TCEANC2: variants seen among roughly 807,000 people sequenced by gnomAD.
The protein encoded by TCEANC2 is transcription elongation factor A N-terminal and central domain-containing protein 2.
Under a neutral mutation model 22.8 loss-of-function variants are expected in TCEANC2, and 20 were observed. The ratio of observed to expected loss-of-function variants is 0.88; its 90% CI spans 0.62 to 1.28. TCEANC2 has a LOEUF of 1.28. Ranked by LOEUF, TCEANC2 falls within the 50% of genes most tolerant of loss-of-function variation. The pLI, the probability that TCEANC2 is intolerant of heterozygous loss-of-function variation, is 0.00. For missense variants in TCEANC2, 251 were observed against 249.7 expected (o/e 1.01, Z -0.03); for synonymous variants, 84 against 95.5 (o/e 0.88, Z 0.70).
At chr1:54,091,869 T>C (rs980411219) in intron 4 of TCEANC2, among the ~76,000 whole-genome samples, 4 of 152,186 alleles carry the variant, frequency 2.6e-5, no homozygotes, top group Non-Finnish European at 5.9e-5. Context: ...CATTTTCCTA[T>C]TATGTCATTT....
intron 2 of TCEANC2, among the ~76,000 whole-genome samples, chr1:54,057,347 ATTTTT>A (rs1163556776): frequency 1.2e-5 from 1 of 85,930 alleles, no homozygotes; most frequent in Non-Finnish European, 2.1e-5. Flanking sequence ...CACCTGGCTA[ATTTTT>A]TTTTTTTTTT....
chr1:54,088,875 G>C (rs1406068726), intron 4 of TCEANC2, 85 bp downstream of exon 4: 2 of 978,614 alleles, frequency 2.0e-6, no homozygotes, highest in Admixed American at 6.7e-5. Flanking sequence ...GTCCTGGTCG[G>C]ATGTGATTAG....
At chr1:54,066,343 T>C (rs1323869144) in intron 2 of TCEANC2, among the ~76,000 whole-genome samples, 2 of 151,940 alleles carry the variant, frequency 1.3e-5, no homozygotes, top group East Asian at 3.8e-4. Flanking sequence ...GAAAATATGT[T>C]CAAATATATC....
intron 4 of TCEANC2, among the ~76,000 whole-genome samples, chr1:54,090,628 T>A (rs1461461680): frequency 2.0e-5 from 3 of 152,170 alleles, no homozygotes; most frequent in African/African-American, 4.8e-5. Flanking sequence ...ATGCTGGAGG[T>A]TCACTTAACT....
downstream of TCEANC2, among the ~76,000 whole-genome samples, chr1:54,109,860 G>C (rs1033648708): frequency 2.0e-5 from 3 of 152,192 alleles, no homozygotes; most frequent in Admixed American, 6.5e-5. Flanking sequence ...ACTAAGGGTT[G>C]GATTACTTCA....
intron 3 of TCEANC2, among the ~76,000 whole-genome samples, chr1:54,082,969 T>G (rs968960367): frequency 3.3e-5 from 5 of 151,694 alleles, no homozygotes; most frequent in African/African-American, 9.7e-5. Context: ...TGTGGAGAAG[T>G]GATGAGAACC....
rs900888708 is a variant in TCEANC2 at position 54,102,575 on chromosome 1, G to A, written c.*6102G>A. 2 of 152,272 alleles carry A rather than the reference G, an allele frequency of 1.3e-5. No individual in the cohort carries two copies. Among genetic ancestry groups the A allele is most frequent in the African/African-American group, 4.8e-5 (2 of 41,452 alleles). 9.4% of individuals were successfully genotyped at this position (152,272 alleles called of 1,614,324 possible). A position where few individuals can be genotyped will look rare whatever the true frequency, so the allele number is the denominator to read the frequency against. On this transcript the variant is annotated 3_prime_UTR_variant, in exon 5 of 5. Transcript: ENST00000234827. ...TCCTAAGATAGAAATAATACAACTGGGGTTGGGCATAGCAGGGCCAGAGGG... is the reference window on the plus strand; with the variant it reads ...TCCTAAGATAGAAATAATACAACTGAGGTTGGGCATAGCAGGGCCAGAGGG...
downstream of TCEANC2, among the ~76,000 whole-genome samples, chr1:54,107,849 C>T (rs891233368): frequency 1.3e-5 from 2 of 152,198 alleles, no homozygotes; most frequent in African/African-American, 4.8e-5. Flanking sequence ...TGCTATTCAA[C>T]CATAGACATG....
At chr1:54,075,102 A>G (rs898060783) in intron 3 of TCEANC2, among the ~76,000 whole-genome samples, 39 of 152,242 alleles carry the variant, frequency 2.6e-4, no homozygotes, top group African/African-American at 8.7e-4. Flanking sequence ...TATAGAATCT[A>G]TATTCATTCA....
At chr1:54,070,447 AT>A (rs1257418459) in intron 3 of TCEANC2, among the ~76,000 whole-genome samples, 3 of 152,324 alleles carry the variant, frequency 2.0e-5, no homozygotes, top group South Asian at 4.1e-4. Context: ...AATTAAAAAA[AT>A]AATTTCTATT....
chr1:54,096,147 T>C lies in TCEANC2; in HGVS notation c.439-138T>C. 7.3e-7 allele frequency: 1 copy of C among 1,362,620 alleles called. No homozygotes were observed. 84.4% of individuals were successfully genotyped at this position (1,362,620 alleles called of 1,614,324 possible). A position where few individuals can be genotyped will look rare whatever the true frequency, so the allele number is the denominator to read the frequency against. Reference sequence around the variant, plus strand: ...GGGTGGAATTAATTTGCTCTTCCTGTTTCTCTTGTGACAGGAAGTAGATGT... The same window carrying C: ...GGGTGGAATTAATTTGCTCTTCCTGCTTCTCTTGTGACAGGAAGTAGATGT... On this transcript the variant is annotated intron_variant, in intron 4 of 4. Coordinates refer to ENST00000234827, the MANE Select transcript of TCEANC2 (RefSeq NM_153035.3). This position sits in a 1 kb window ranked among gnomAD's most constrained non-coding sequence, Gnocchi z 4.9.
chr1:54,099,080 T>G lies in TCEANC2; in HGVS notation c.*2607T>G, dbSNP rs548061475. ...CTGATTTGAAGCAGGAACTGGTCACTTTTGTGTTAATAGGCTATGTGGAAG... is the reference window on the plus strand; with the variant it reads ...CTGATTTGAAGCAGGAACTGGTCACGTTTGTGTTAATAGGCTATGTGGAAG... On this transcript the variant is annotated 3_prime_UTR_variant, in exon 5 of 5. Coordinates refer to ENST00000234827, the MANE Select transcript of TCEANC2 (RefSeq NM_153035.3). 6.6e-6 allele frequency: 1 copy of G among 152,366 alleles called. No homozygotes were observed. Among genetic ancestry groups the G allele is most frequent in the South Asian group, 2.1e-4 (1 of 4,822 alleles). The allele number at this position is 152,366 out of a possible 1,614,324, so 9.4% of individuals were successfully genotyped here. A position where few individuals can be genotyped will look rare whatever the true frequency, so the allele number is the denominator to read the frequency against.
chr1:54,060,759 G>A (rs993015923), intron 2 of TCEANC2, among the ~76,000 whole-genome samples: 17 of 151,972 alleles, frequency 1.1e-4, no homozygotes, highest in African/African-American at 3.6e-4. Flanking sequence ...GGCCAACATG[G>A]TGAAACCTCA....
chr1:54,074,570 T>G (rs556314336), intron 3 of TCEANC2, among the ~76,000 whole-genome samples: 1 of 152,100 alleles, frequency 6.6e-6, no homozygotes, highest in African/African-American at 2.4e-5. Context: ...TAAGGACTTA[T>G]AGAAGAAACC....
At chr1:54,056,022 A>G (rs1657745998) in intron 2 of TCEANC2, among the ~76,000 whole-genome samples, 1 of 152,236 alleles carries the variant, frequency 6.6e-6, no homozygotes, top group Non-Finnish European at 1.5e-5. Flanking sequence ...CCATTCTGAT[A>G]ACTGAAAATG....
intron 2 of TCEANC2, among the ~76,000 whole-genome samples, chr1:54,055,396 T>TAAAAC (rs1247269944): frequency 6.6e-6 from 1 of 152,276 alleles, no homozygotes; most frequent in Non-Finnish European, 1.5e-5. Flanking sequence ...ATTATTTTAC[T>TAAAAC]AAAACAAAAC....
chr1:54,068,673 T>C, intron 2 of TCEANC2, 83 bp from the exon 3 acceptor site: 1 of 1,383,802 alleles, frequency 7.2e-7, no homozygotes, highest in Non-Finnish European at 9.7e-7. Context: ...CATATGTCAA[T>C]AGGAGCCCCA....
chr1:54,107,067 C>T (rs1265569669), downstream of TCEANC2, among the ~76,000 whole-genome samples: 1 of 152,168 alleles, frequency 6.6e-6, no homozygotes, highest in Admixed American at 6.5e-5. Flanking sequence ...TGCCAGTCTT[C>T]CCACCGATGT....
intron 4 of TCEANC2, among the ~76,000 whole-genome samples, chr1:54,093,449 C>T (rs945796903): frequency 6.6e-6 from 1 of 152,112 alleles, no homozygotes; most frequent in African/African-American, 2.4e-5. Context: ...ATTTTAATGT[C>T]ACATATTTTT....
Sources: gnomAD v4.1 joint callset for allele counts (sites outside exome capture counted in the v4.1 genomes callset) on GRCh38, gnomAD v4.1.1 for gene constraint, Gnocchi (gnomAD v3.1) non-coding constraint, MANE v1.5 for transcripts, NCBI Gene and HGNC (gene_info 2026-07-23, HGNC 2026-07-21) for gene names.